The following RBFOX2 variants were observed in gnomAD, a reference collection of about 807,000 sequenced individuals.
RBFOX2 encodes RNA binding protein fox-1 homolog 2.
In RBFOX2, 10 loss-of-function variants were observed where a neutral mutation model predicts 49.1. The observed-to-expected ratio is 0.20, with a 90% CI of 0.13 to 0.35. RBFOX2 has a LOEUF of 0.35. RBFOX2 is among the 10% of genes least tolerant of loss of function. RBFOX2 has a pLI of 1.00. For missense variants in RBFOX2, 323 were observed against 486.9 expected (o/e 0.66, Z 3.17); for synonymous variants, 183 against 187.4 (o/e 0.98, Z 0.19).
chr22:35,918,323 G>GA (rs2050658117), intron 1 of RBFOX2, among the ~76,000 whole-genome samples: 1 of 152,146 alleles, frequency 6.6e-6, no homozygotes, highest in Non-Finnish European at 1.5e-5. Flanking sequence ...ATTAAATCAA[G>GA]AAAGTAATTA....
intron 1 of RBFOX2, among the ~76,000 whole-genome samples, chr22:36,001,184 T>TACACACACACAC (rs57905429): frequency 7.5e-6 from 1 of 133,596 alleles, no homozygotes; most frequent in Non-Finnish European, 1.6e-5. Context: ...CCCCAAAACA[T>TACACACACACAC]ACACACACAC....
intron 1 of RBFOX2, among the ~76,000 whole-genome samples, chr22:36,005,947 A>G (rs1464508002): frequency 6.6e-6 from 1 of 152,236 alleles, no homozygotes; most frequent in African/African-American, 2.4e-5. Flanking sequence ...TCCCTCTCTC[A>G]TAACTCAGAA....
chr22:35,902,358 G>A (rs1229349095), intron 1 of RBFOX2, among the ~76,000 whole-genome samples: 1 of 151,968 alleles, frequency 6.6e-6, no homozygotes, highest in Non-Finnish European at 1.5e-5. Context: ...CTCCATCACT[G>A]CCACCTGACA....
chr22:35,830,352 A>G (rs537150084), intron 1 of RBFOX2, among the ~76,000 whole-genome samples: 1 of 152,370 alleles, frequency 6.6e-6, no homozygotes, highest in East Asian at 1.9e-4. Context: ...TGAGACAGGA[A>G]GATTTCTGAA....
intron 1 of RBFOX2, among the ~76,000 whole-genome samples, chr22:35,848,954 ACTC>A (rs2041554330): frequency 6.6e-6 from 1 of 152,062 alleles, no homozygotes; most frequent in Non-Finnish European, 1.5e-5. Flanking sequence ...AGAATCCAGG[ACTC>A]CTAACTTCAA....
At chr22:35,894,168 G>T (rs894437573) in intron 1 of RBFOX2, among the ~76,000 whole-genome samples, 2 of 152,022 alleles carry the variant, frequency 1.3e-5, no homozygotes, top group Non-Finnish European at 2.9e-5. Flanking sequence ...AGTAATAGAA[G>T]GTACTACATT....
chr22:36,002,462 C>T (rs965950895), intron 1 of RBFOX2, among the ~76,000 whole-genome samples: 3 of 152,146 alleles, frequency 2.0e-5, no homozygotes, highest in Non-Finnish European at 2.9e-5. Context: ...GCAAAACAAA[C>T]GAAATGTTCT....
At chr22:35,871,891 G>C (rs1603429044) in intron 1 of RBFOX2, among the ~76,000 whole-genome samples, 1 of 152,172 alleles carries the variant, frequency 6.6e-6, no homozygotes, top group African/African-American at 2.4e-5. Context: ...GACTACTGGC[G>C]AGGCAAGCTC....
chr22:35,962,505 C>T (rs957086418), upstream of RBFOX2, among the ~76,000 whole-genome samples: 4 of 152,158 alleles, frequency 2.6e-5, no homozygotes, highest in Admixed American at 2.0e-4. Context: ...AGTAAAATTC[C>T]TGTGGATATT....
rs562375250 is a variant in RBFOX2 at position 35,809,776 on chromosome 22, G to A, written c.252+4C>T. 7.4e-6 allele frequency: 12 copies of A among 1,612,988 alleles called. No individual in the cohort carries two copies. The highest frequency in any genetic ancestry group is 4.4e-5 in the South Asian group (4 of 91,030). ...TTCCATTTTTCACCTCATGGTCCAC[G>A]TACCGTAAGAGATCCATTTTGTGTG... On this transcript the variant is annotated splice_donor_region_variant and intron_variant, in intron 2 of 11. Transcript: ENST00000405409.
chr22:35,985,414 CTG>C lies in RBFOX2; in HGVS notation c.186+42824_186+42825del, dbSNP rs149852628. Among the ~76,000 whole-genome samples the C allele has an allele frequency of 1.8e-3, 281 of 152,242 alleles. 1 individual carries two copies. Among genetic ancestry groups the C allele is most frequent in the African/African-American group, 6.5e-3 (271 of 41,550 alleles). On this transcript the variant is annotated intron_variant, in intron 1 of 13. Transcript: ENST00000438146. ...AAAGAGTGAAGTGCACAGGTAGAGA[CTG>C]TGCAATACTGAAGCAAACGGGTCAT...
At chr22:35,985,381 C>G (rs980581365) in intron 1 of RBFOX2, among the ~76,000 whole-genome samples, 5 of 152,068 alleles carry the variant, frequency 3.3e-5, no homozygotes, top group Non-Finnish European at 5.9e-5. Context: ...GTAACACTCA[C>G]CAGAGGTAAA....
chr22:35,993,396 T>C (rs2058060162), intron 1 of RBFOX2: 1 of 152,240 alleles, frequency 6.6e-6, no homozygotes, highest in African/African-American at 2.4e-5. Flanking sequence ...TCACAAAGTA[T>C]TTGATACTAC....
upstream of RBFOX2, among the ~76,000 whole-genome samples, chr22:35,941,038 C>A (rs141727206): frequency 2.0e-5 from 3 of 152,078 alleles, no homozygotes; most frequent in Non-Finnish European, 4.4e-5. Flanking sequence ...TTAAAAACCA[C>A]TGAAACACTA....
chr22:35,762,643 C>A (rs1409852145), intron 6 of RBFOX2, among the ~76,000 whole-genome samples: 2 of 151,444 alleles, frequency 1.3e-5, no homozygotes, highest in Non-Finnish European at 2.9e-5. Context: ...GTAGCTGGGA[C>A]TACAGGCACG....
intron 1 of RBFOX2, among the ~76,000 whole-genome samples, chr22:35,935,994 A>G (rs997342161): frequency 1.3e-5 from 2 of 152,160 alleles, no homozygotes; most frequent in African/African-American, 2.4e-5. Flanking sequence ...TCAGCCACTG[A>G]TAAGAATCTT....
chr22:35,799,307 C>A (rs1313488205), intron 2 of RBFOX2, among the ~76,000 whole-genome samples: 1 of 152,126 alleles, frequency 6.6e-6, no homozygotes, highest in African/African-American at 2.4e-5. Context: ...TGCAGGCAGG[C>A]CCAGAGATGA....
intron 4 of RBFOX2, among the ~76,000 whole-genome samples, chr22:35,769,776 G>A (rs1022028099): frequency 3.3e-5 from 5 of 152,098 alleles, no homozygotes; most frequent in African/African-American, 9.6e-5. Flanking sequence ...AACAATGCGC[G>A]TTGCTTAATA....
Position 35,897,242 on chromosome 22 carries a change from C to A in RBFOX2, c.-34+41605G>T, listed in dbSNP as rs2047963127. On this transcript the variant is annotated intron_variant, in intron 1 of 13. Coordinates refer to the RBFOX2 transcript ENST00000359369. The stretch of plus-strand genomic sequence containing the variant: ...CGGGCTGACCCAAAAGACACCAAAA[C>A]CAAGAGTTGCTCGGGAGGCACTAAA... 7.8e-6 allele frequency: 11 copies of A among 1,405,708 alleles called. No individual in the cohort carries two copies. In the South Asian group the frequency reaches 1.3e-4, roughly 17 times the overall value. 87.1% of individuals were successfully genotyped at this position (1,405,708 alleles called of 1,614,324 possible).
Sources: gnomAD v4.1 joint callset for allele counts (sites outside exome capture counted in the v4.1 genomes callset) on GRCh38, gnomAD v4.1.1 for gene constraint, MANE v1.5 for transcripts, NCBI Gene and HGNC (gene_info 2026-07-23, HGNC 2026-07-21) for gene names.